The following C3orf49 variants were observed in gnomAD, a reference collection of about 807,000 sequenced individuals.
C3orf49 encodes chromosome 3 open reading frame 49, also known as putative uncharacterized protein C3orf49.
C3orf49 carries 27 observed loss-of-function variants against 13.3 expected under a neutral mutation model. The observed-to-expected ratio is 2.02, with a 90% CI of 1.49 to 2.79. The LOEUF (loss-of-function observed/expected upper bound fraction) is 2.79. C3orf49 is among the 30% of genes most tolerant of loss of function. C3orf49 has a pLI of 0.00. For missense variants in C3orf49, 242 were observed against 134.2 expected (o/e 1.80, Z -3.97); for synonymous variants, 87 against 47.6 (o/e 1.83, Z -3.40).
the C3orf49 span, among the ~76,000 whole-genome samples, chr3:63,785,065 C>CTTTTTTTTTTTTT: frequency 3.7e-4 from 24 of 64,968 alleles, 4 homozygotes; most frequent in African/African-American, 1.4e-3. Context: ...TCTTCTTCTT[C>CTTTTTTTTTTTTT]TTTTTTTTTT....
At chr3:63,781,482 T>C in the C3orf49 span, among the ~76,000 whole-genome samples, 1 of 152,184 alleles carries the variant, frequency 6.6e-6, no homozygotes, top group African/African-American at 2.4e-5. Context: ...GGCTCTTTTT[T>C]GGTTCCATAT....
the C3orf49 span, among the ~76,000 whole-genome samples, chr3:63,789,388 C>T: frequency 6.6e-6 from 1 of 152,160 alleles, no homozygotes; most frequent in African/African-American, 2.4e-5. Flanking sequence ...GAGAGATACA[C>T]TTTTAAGAAA....
At chr3:63,843,963 CACAAATATGTGTTACACAT>C (rs1701829314) in intron 5 of C3orf49, among the ~76,000 whole-genome samples, 1 of 151,882 alleles carries the variant, frequency 6.6e-6, no homozygotes, top group East Asian at 1.9e-4. Flanking sequence ...GTGTTACACA[CACAAATATGTGTTACACAT>C]ACACATACAT....
upstream of C3orf49, among the ~76,000 whole-genome samples, chr3:63,818,012 C>A (rs1295671328): frequency 6.6e-6 from 1 of 152,080 alleles, no homozygotes; most frequent in Non-Finnish European, 1.5e-5. Flanking sequence ...TCTGAGGATG[C>A]CAACAGATGA....
At position 63,834,271 on chromosome 3, in the gene C3orf49, A is replaced by G. The variant is rs575836645; in HGVS notation, c.849+2427A>G. 6.2e-6 allele frequency: 9 copies of G among 1,454,596 alleles called. No homozygotes were observed. The East Asian group carries it at 6.8e-5, about 11-fold the overall frequency. 90.1% of individuals were successfully genotyped at this position (1,454,596 alleles called of 1,614,324 possible). On this transcript the variant is annotated intron_variant, in intron 5 of 6. Coordinates refer to ENST00000295896, the MANE Select transcript of C3orf49 (RefSeq NM_001355236.2). The stretch of plus-strand genomic sequence containing the variant: ...TTTTATATTCGATGAACACATGAAA[A>G]CATGTTTATCCTTTATTAGCCAATA...
At chr3:63,821,252 C>T (rs1701390369) in intron 1 of C3orf49, among the ~76,000 whole-genome samples, 1 of 152,090 alleles carries the variant, frequency 6.6e-6, no homozygotes, top group Non-Finnish European at 1.5e-5. Flanking sequence ...TATATAATTA[C>T]AGAAAAAGGC....
chr3:63,837,938 A>G lies in C3orf49; in HGVS notation c.849+6094A>G, dbSNP rs748964651. On this transcript the variant is annotated intron_variant, in intron 5 of 6. Transcript: ENST00000295896. ...AACTGCATGAAAACTGTAGTCAGTAATAATGTATTTGCACATTAAATCCCT... is the reference window on the plus strand; with the variant it reads ...AACTGCATGAAAACTGTAGTCAGTAGTAATGTATTTGCACATTAAATCCCT... The G allele has an allele frequency of 3.2e-6, 5 of 1,559,208 alleles. No individual in the cohort carries two copies. The Admixed American group carries it at 5.6e-5, about 17-fold the overall frequency.
the C3orf49 span, among the ~76,000 whole-genome samples, chr3:63,784,425 A>G: frequency 6.6e-6 from 1 of 152,238 alleles, no homozygotes; most frequent in Non-Finnish European, 1.5e-5. Flanking sequence ...GAAATAAGAT[A>G]ATGCAAATAA....
chr3:63,808,001 C>A, the C3orf49 span, among the ~76,000 whole-genome samples: 1 of 151,502 alleles, frequency 6.6e-6, no homozygotes, highest in Non-Finnish European at 1.5e-5. Context: ...CGCAACTGAA[C>A]AATAGCTCTG....
intron 5 of C3orf49, among the ~76,000 whole-genome samples, chr3:63,841,756 A>T (rs780215760): frequency 6.6e-6 from 1 of 152,242 alleles, no homozygotes; most frequent in Non-Finnish European, 1.5e-5. Context: ...CAAATAAAAC[A>T]TAGTCCTTGA....
intron 1 of C3orf49, among the ~76,000 whole-genome samples, chr3:63,820,857 T>C (rs1333673895): frequency 6.6e-6 from 1 of 151,982 alleles, no homozygotes; most frequent in Non-Finnish European, 1.5e-5. Context: ...CCCCTAGAAG[T>C]CATATATGTA....
intron 5 of C3orf49, among the ~76,000 whole-genome samples, chr3:63,832,472 A>T (rs1034799725): frequency 3.9e-5 from 6 of 151,986 alleles, no homozygotes; most frequent in African/African-American, 1.5e-4. Context: ...CAGCTTGGGC[A>T]ATATAGTGAG....
the C3orf49 span, among the ~76,000 whole-genome samples, chr3:63,797,380 A>T: frequency 6.6e-6 from 1 of 152,158 alleles, no homozygotes; most frequent in Admixed American, 6.6e-5. Context: ...TTTGTCCTGC[A>T]GAAAACTCTG....
chr3:63,824,009 C>T (rs1225499420), intron 2 of C3orf49, among the ~76,000 whole-genome samples: 4 of 152,006 alleles, frequency 2.6e-5, no homozygotes, highest in Admixed American at 6.6e-5. Context: ...CCATATTGGC[C>T]AGGCTGGTCT....
At chr3:63,789,263 A>G in the C3orf49 span, among the ~76,000 whole-genome samples, 9 of 152,208 alleles carry the variant, frequency 5.9e-5, no homozygotes, top group Non-Finnish European at 1.2e-4. Context: ...GAGGTGGAAC[A>G]GTTTCATCCT....
the C3orf49 span, among the ~76,000 whole-genome samples, chr3:63,793,656 T>TGCA: frequency 6.6e-6 from 1 of 152,162 alleles, no homozygotes; most frequent in Non-Finnish European, 1.5e-5. Context: ...GTTTTAAAAT[T>TGCA]GCAAACTATT....
intron 6 of C3orf49, among the ~76,000 whole-genome samples, chr3:63,845,451 C>T (rs1701870665): frequency 6.6e-6 from 1 of 152,096 alleles, no homozygotes; most frequent in African/African-American, 2.4e-5. Flanking sequence ...CCATTGGTGA[C>T]CAGCATATGA....
At chr3:63,783,821 A>G in the C3orf49 span, among the ~76,000 whole-genome samples, 1 of 152,062 alleles carries the variant, frequency 6.6e-6, no homozygotes, top group Non-Finnish European at 1.5e-5. Flanking sequence ...CTGCAGCACT[A>G]AAGAATTCAA....
the C3orf49 span, among the ~76,000 whole-genome samples, chr3:63,791,941 A>C: frequency 6.6e-6 from 1 of 152,194 alleles, no homozygotes; most frequent in Non-Finnish European, 1.5e-5. Context: ...TTGCGTGAAA[A>C]GACTTAAATT....
Sources: gnomAD v4.1 joint callset for allele counts (sites outside exome capture counted in the v4.1 genomes callset) on GRCh38, gnomAD v4.1.1 for gene constraint, MANE v1.5 for transcripts, NCBI Gene and HGNC (gene_info 2026-07-23, HGNC 2026-07-21) for gene names.